The following CADM2 variants were observed in gnomAD, a reference collection of about 807,000 sequenced individuals.
The protein encoded by CADM2 is immunoglobulin superfamily member 4D.
In CADM2, 12 loss-of-function variants were observed where a neutral mutation model predicts 49.8. The observed-to-expected ratio is 0.24, with a 90% confidence interval of 0.15 to 0.39. The LOEUF is 0.39. Ranked by LOEUF, CADM2 falls within the 10% of genes least tolerant of loss-of-function variation. The probability of loss-of-function intolerance (pLI) is 1.00; values close to 1 mark genes in which losing one functional copy is unlikely to be tolerated. For missense variants in CADM2, 378 were observed against 492.3 expected (o/e 0.77, Z 2.20); for synonymous variants, 214 against 175.4 (o/e 1.22, Z -1.74).
intron 3 of CADM2, among the ~76,000 whole-genome samples, chr3:85,813,983 G>A (rs2073046726): frequency 1.3e-5 from 2 of 152,064 alleles, no homozygotes; most frequent in Non-Finnish European, 2.9e-5. Context: ...GATGCCTCCA[G>A]CTTTGTTCTT....
chr3:86,014,478 A>G, intron 8 of CADM2: 1 of 1,518,266 alleles, frequency 6.6e-7, no homozygotes. Context: ...CAAACTTGAT[A>G]TTCAAATGAA....
At chr3:85,754,472 C>T (rs963667840) in intron 2 of CADM2, among the ~76,000 whole-genome samples, 3 of 152,072 alleles carry the variant, frequency 2.0e-5, no homozygotes, top group South Asian at 4.1e-4. Context: ...TGGAACTCAC[C>T]GTAAGCCTAG....
At chr3:85,820,502 AG>A (rs1370934052) in intron 3 of CADM2, among the ~76,000 whole-genome samples, 1 of 152,160 alleles carries the variant, frequency 6.6e-6, no homozygotes, top group African/African-American at 2.4e-5. Context: ...TAGAGCAAAT[AG>A]GACCAGCTGA....
chr3:85,935,713 A>C (rs1283152431), intron 6 of CADM2, 54 bp from the exon 7 acceptor site: 1 of 877,654 alleles, frequency 1.1e-6, no homozygotes, highest in African/African-American at 1.7e-5. Flanking sequence ...CAGTTATTAA[A>C]TATCTAGTTT....
rs529201886 is a variant in CADM2 at position 85,206,394 on chromosome 3, G to A, written c.61+246726G>A. Among the ~76,000 whole-genome samples, 18 of 146,594 alleles carry A rather than the reference G, an allele frequency of 1.2e-4. No individual in the cohort carries two copies. In the South Asian group the frequency reaches 2.4e-3, roughly 20 times the overall value. ...GCAATCTCGACTCACTGCAAGCTCCGCCTCCCAGGTTCACACCATTCTCCT... is the reference window on the plus strand; with the variant it reads ...GCAATCTCGACTCACTGCAAGCTCCACCTCCCAGGTTCACACCATTCTCCT... On this transcript the variant is annotated intron_variant, in intron 1 of 9. Coordinates refer to ENST00000383699, the MANE Select transcript of CADM2 (RefSeq NM_001167675.2).
At chr3:85,990,392 G>A (rs548574888) in intron 8 of CADM2, among the ~76,000 whole-genome samples, 2 of 152,140 alleles carry the variant, frequency 1.3e-5, no homozygotes, top group South Asian at 2.1e-4. Flanking sequence ...AGTAGGTTAG[G>A]TGTATTAAAT....
chr3:85,454,300 T>C (rs904146959), intron 1 of CADM2, among the ~76,000 whole-genome samples: 18 of 152,000 alleles, frequency 1.2e-4, no homozygotes, highest in Non-Finnish European at 2.1e-4. Flanking sequence ...CACTGCACTC[T>C]AGCCTGGGCA....
In CADM2 at chr3:86,067,984, T is replaced by TA. The variant is rs1413042590; in HGVS notation, c.*1206dup. The TA allele has an allele frequency of 6.6e-6, 1 of 152,448 alleles. No homozygotes were observed. Among genetic ancestry groups the TA allele is most frequent in the Non-Finnish European group, 1.5e-5 (1 of 67,882 alleles). The allele number at this position is 152,448 out of a possible 1,614,324, so 9.4% of individuals were successfully genotyped here. A position where few individuals can be genotyped will look rare whatever the true frequency, so the allele number is the denominator to read the frequency against. On this transcript the variant is annotated 3_prime_UTR_variant, in exon 10 of 10. Coordinates refer to ENST00000383699, the MANE Select transcript of CADM2 (RefSeq NM_001167675.2). ...TTACAACCACAGTTGAATAATAACC[T>TA]AAAAATAAATTTTAGTTTGCTAAAA...
At chr3:85,679,047 C>G (rs947431274) in intron 1 of CADM2, among the ~76,000 whole-genome samples, 8 of 152,104 alleles carry the variant, frequency 5.3e-5, no homozygotes, top group African/African-American at 1.9e-4. Context: ...ATCAGACACT[C>G]TGCCCTCAAA....
chr3:85,653,640 A>T (rs1337704870), intron 1 of CADM2, among the ~76,000 whole-genome samples: 1 of 152,104 alleles, frequency 6.6e-6, no homozygotes, highest in East Asian at 1.9e-4. Flanking sequence ...TGTTGAATAT[A>T]TAAGTCGGGA....
chr3:85,922,853 G>A (rs1332182695), intron 6 of CADM2, among the ~76,000 whole-genome samples: 15 of 148,432 alleles, frequency 1.0e-4, no homozygotes, highest in Admixed American at 4.8e-4. Context: ...ATGGAGTCTC[G>A]CTCTGTCACC....
intron 3 of CADM2, among the ~76,000 whole-genome samples, chr3:85,848,264 T>C (rs1452712907): frequency 2.0e-5 from 3 of 152,122 alleles, no homozygotes; most frequent in African/African-American, 4.8e-5. Flanking sequence ...TATCAATAAT[T>C]GCTATCTCAG....
intron 1 of CADM2, among the ~76,000 whole-genome samples, chr3:85,105,790 T>G (rs931334274): frequency 1.3e-5 from 2 of 152,170 alleles, no homozygotes; most frequent in African/African-American, 2.4e-5. Context: ...TCATGTCCTT[T>G]GTAGGGACAT....
At chr3:85,341,695 A>G (rs1227944329) in intron 1 of CADM2, among the ~76,000 whole-genome samples, 1 of 152,068 alleles carries the variant, frequency 6.6e-6, no homozygotes, top group Non-Finnish European at 1.5e-5. Context: ...CCGGAACTTC[A>G]AAGTCAAAAA....
chr3:85,376,153 T>G (rs568821497), intron 1 of CADM2, among the ~76,000 whole-genome samples: 121 of 152,132 alleles, frequency 8.0e-4, no homozygotes, highest in Non-Finnish European at 2.8e-4. Flanking sequence ...TTGTTTTGTG[T>G]TTTAGGAGTA....
intron 1 of CADM2, among the ~76,000 whole-genome samples, chr3:85,691,092 G>A (rs2066371766): frequency 6.6e-6 from 1 of 151,918 alleles, no homozygotes; most frequent in Non-Finnish European, 1.5e-5. Flanking sequence ...CCAGCTTTTG[G>A]TAAACGCTAT....
At chr3:85,288,149 C>T (rs915250148) in intron 1 of CADM2, among the ~76,000 whole-genome samples, 10 of 151,844 alleles carry the variant, frequency 6.6e-5, no homozygotes, top group Admixed American at 4.6e-4. Flanking sequence ...AATTGTGGGA[C>T]CTTGAGAAAG....
intron 2 of CADM2, among the ~76,000 whole-genome samples, chr3:85,794,435 T>A (rs139835899): frequency 8.9e-4 from 136 of 152,288 alleles, no homozygotes; most frequent in Non-Finnish European, 1.7e-3. Flanking sequence ...GATGTCTCAG[T>A]TACTATAACC....
At chr3:85,978,142 G>A (rs568588166) in intron 8 of CADM2, among the ~76,000 whole-genome samples, 3 of 151,678 alleles carry the variant, frequency 2.0e-5, no homozygotes, top group African/African-American at 7.2e-5. Context: ...TCACTGTGTA[G>A]ATTACATGCC....
Sources: allele counts gnomAD v4.1 joint callset (sites outside exome capture counted in the v4.1 genomes callset), GRCh38; gene constraint gnomAD v4.1.1; transcripts MANE v1.5; gene names NCBI Gene and HGNC (gene_info 2026-07-23, HGNC 2026-07-21).